The following SAMD4A variants were observed in gnomAD, a reference collection of about 807,000 sequenced individuals.
SAMD4A encodes sterile alpha motif domain containing 4A, also known as protein Smaug homolog 1.
A neutral mutation model predicts 81.3 loss-of-function variants in SAMD4A; 33 were observed. The observed-to-expected ratio is 0.41, with a 90% confidence interval of 0.31 to 0.54. SAMD4A has a LOEUF of 0.54. SAMD4A is among the 20% of genes least tolerant of loss of function. SAMD4A has a pLI of 0.37. For synonymous variants in SAMD4A, 389 were observed against 382.1 expected (o/e 1.02, Z -0.21); for missense variants, 854 against 951.1 (o/e 0.90, Z 1.34).
At chr14:54,649,160 A>G (rs1339001278) in intron 2 of SAMD4A, among the ~76,000 whole-genome samples, 1 of 152,184 alleles carries the variant, frequency 6.6e-6, no homozygotes, top group Non-Finnish European at 1.5e-5. Context: ...TGCCCGTTAG[A>G]TGTCCTAGTG....
At chr14:54,610,454 A>C (rs762377370) in intron 2 of SAMD4A, among the ~76,000 whole-genome samples, 5 of 152,182 alleles carry the variant, frequency 3.3e-5, no homozygotes, top group Non-Finnish European at 7.3e-5. Flanking sequence ...CTGGCACCGC[A>C]ATGGGCTGAC....
chr14:54,617,265 A>G (rs1257525615), intron 2 of SAMD4A, among the ~76,000 whole-genome samples: 1 of 152,226 alleles, frequency 6.6e-6, no homozygotes, highest in Non-Finnish European at 1.5e-5. Context: ...AAGGATTGTG[A>G]TTCCCCAAAT....
At chr14:54,694,103 G>A (rs1483586626) in intron 2 of SAMD4A, 1 of 152,470 alleles carries the variant, frequency 6.6e-6, no homozygotes, top group Non-Finnish European at 1.5e-5. Flanking sequence ...AGTAAGGGTG[G>A]AGGCTAGATC....
intron 3 of SAMD4A, among the ~76,000 whole-genome samples, chr14:54,706,758 G>A (rs1301729785): frequency 2.0e-5 from 3 of 152,062 alleles, no homozygotes; most frequent in South Asian, 2.1e-4. Flanking sequence ...GCAAAGGGAC[G>A]GGGGTCACAG....
chr14:54,680,694 G>A (rs773183755), intron 2 of SAMD4A, among the ~76,000 whole-genome samples: 1 of 152,198 alleles, frequency 6.6e-6, no homozygotes, highest in Non-Finnish European at 1.5e-5. Flanking sequence ...AGCATCACTG[G>A]TAGTTAAGCG....
chr14:54,701,053 C>CA (rs1719012496), intron 2 of SAMD4A: 1 of 146,280 alleles, frequency 6.8e-6, no homozygotes, highest in African/African-American at 2.5e-5. Flanking sequence ...CCCCAGGGTA[C>CA]AGTGGTGCAA....
chr14:54,780,336 C>T (rs2038968789), intron 11 of SAMD4A, among the ~76,000 whole-genome samples: 1 of 152,208 alleles, frequency 6.6e-6, no homozygotes, highest in South Asian at 2.1e-4. Flanking sequence ...TAAGTACCAG[C>T]TCACAATTGG....
intron 3 of SAMD4A, among the ~76,000 whole-genome samples, chr14:54,716,817 T>A (rs1342150777): frequency 6.6e-6 from 1 of 152,164 alleles, no homozygotes; most frequent in Admixed American, 6.5e-5. Flanking sequence ...ATGTTTGGAT[T>A]ATTTAAGTGG....
chr14:54,640,478 G>T (rs1187139978), intron 2 of SAMD4A, among the ~76,000 whole-genome samples: 4 of 152,172 alleles, frequency 2.6e-5, no homozygotes, highest in African/African-American at 7.2e-5. Flanking sequence ...CACTGCGGGG[G>T]AAACCTGTGC....
At chr14:54,706,291 A>AAAG (rs1217353935) in intron 3 of SAMD4A, among the ~76,000 whole-genome samples, 3 of 139,866 alleles carry the variant, frequency 2.1e-5, no homozygotes, top group Admixed American at 7.8e-5. Flanking sequence ...AAAAAAAAAA[A>AAAG]AAAAAGAAGA....
At chr14:54,763,314 C>T (rs2038453524) in intron 7 of SAMD4A, among the ~76,000 whole-genome samples, 1 of 151,760 alleles carries the variant, frequency 6.6e-6, no homozygotes, top group Non-Finnish European at 1.5e-5. Flanking sequence ...AGTTCAAGAC[C>T]AGCCTCGGCA....
intron 3 of SAMD4A, among the ~76,000 whole-genome samples, chr14:54,731,416 C>T (rs1174165999): frequency 1.3e-5 from 2 of 152,122 alleles, no homozygotes; most frequent in African/African-American, 4.8e-5. Flanking sequence ...CTGCTTTGTC[C>T]TAAGTATGTG....
intron 2 of SAMD4A, among the ~76,000 whole-genome samples, chr14:54,687,657 G>C (rs2140635351): frequency 6.6e-6 from 1 of 152,254 alleles, no homozygotes; most frequent in Non-Finnish European, 1.5e-5. Flanking sequence ...TGGACAAGGG[G>C]TCAGGAAGCT....
chr14:54,635,267 A>G (rs1166016197), intron 2 of SAMD4A, among the ~76,000 whole-genome samples: 1 of 151,586 alleles, frequency 6.6e-6, no homozygotes, highest in East Asian at 1.9e-4. Context: ...TACTAAAAAT[A>G]CAAAAAAATT....
In SAMD4A at chr14:54,636,474, C is replaced by A. The variant is rs374263968; in HGVS notation, c.197-65588C>A. On this transcript the variant is annotated intron_variant, in intron 2 of 12. Coordinates refer to ENST00000554335, the MANE Select transcript of SAMD4A (RefSeq NM_015589.6). Reference sequence around the variant, plus strand: ...AGGTTTTGAGCAGAAAAGTGGCATGCTCTGACTTATACTTTAAAAAGAGAA... The same window carrying A: ...AGGTTTTGAGCAGAAAAGTGGCATGATCTGACTTATACTTTAAAAAGAGAA... Among the ~76,000 whole-genome samples the A allele has an allele frequency of 5.3e-5, 8 of 152,250 alleles. No individual in the cohort carries two copies. The South Asian group carries it at 1.7e-3, about 32-fold the overall frequency.
intron 3 of SAMD4A, among the ~76,000 whole-genome samples, chr14:54,720,187 T>A (rs1336893225): frequency 6.6e-6 from 1 of 152,198 alleles, no homozygotes; most frequent in Non-Finnish European, 1.5e-5. Flanking sequence ...CTTTTTTGTC[T>A]TTTTAAGGTT....
chr14:54,619,108 G>T (rs1259014211), intron 2 of SAMD4A, among the ~76,000 whole-genome samples: 2 of 151,906 alleles, frequency 1.3e-5, no homozygotes, highest in East Asian at 3.8e-4. Context: ...TCTTAACAAT[G>T]ATTTAAAATA....
At chr14:54,697,630 T>C (rs978345764) in intron 2 of SAMD4A, among the ~76,000 whole-genome samples, 1 of 152,180 alleles carries the variant, frequency 6.6e-6, no homozygotes, top group African/African-American at 2.4e-5. Flanking sequence ...GAAAGACTGA[T>C]GTATTCAAAA....
In SAMD4A at chr14:54,774,658, A is replaced by AAAAAAAAAC. The variant is rs60736832; in HGVS notation, c.1716-271_1716-270insAAACAAAAA. On this transcript the variant is annotated intron_variant, in intron 9 of 12. Coordinates refer to ENST00000554335, the MANE Select transcript of SAMD4A (RefSeq NM_015589.6). ...AGTGAGACTCCATCTCTACCAAAAA[A>AAAAAAAAAC]AAAAAGTTAGCTGGGCATGGTGGCA... 8.5e-4 allele frequency among the ~76,000 whole-genome samples: 128 copies of AAAAAAAAAC among 151,352 alleles called. 1 individual carries two copies. The highest frequency in any genetic ancestry group is 2.8e-3 in the African/African-American group (117 of 41,088).
Sources: allele counts gnomAD v4.1 joint callset (sites outside exome capture counted in the v4.1 genomes callset), GRCh38; gene constraint gnomAD v4.1.1; transcripts MANE v1.5; gene names NCBI Gene and HGNC (gene_info 2026-07-23, HGNC 2026-07-21).